The following ARHGEF3 variants were observed in gnomAD, a reference collection of about 807,000 sequenced individuals.
ARHGEF3 encodes Rho guanine nucleotide exchange factor 3.
A neutral mutation model predicts 63.2 loss-of-function variants in ARHGEF3; 28 were observed. The observed-to-expected ratio is 0.44, with a 90% CI of 0.33 to 0.61. ARHGEF3 has a LOEUF of 0.61. Among genes scored for constraint, ARHGEF3 ranks in the 20% least tolerant of loss-of-function variants. The pLI, the probability that ARHGEF3 is intolerant of heterozygous loss-of-function variation, is 0.03. For synonymous variants in ARHGEF3, 266 were observed against 254.2 expected (o/e 1.05, Z -0.44); for missense variants, 533 against 659.3 (o/e 0.81, Z 2.10).
intron 2 of ARHGEF3, among the ~76,000 whole-genome samples, chr3:56,984,385 G>A (rs978976935): frequency 1.3e-5 from 2 of 152,176 alleles, no homozygotes; most frequent in Admixed American, 6.5e-5. Flanking sequence ...CATGATGGAT[G>A]GATGGTTGGT....
At chr3:56,946,329 CAAACT>C (rs1699496016) in intron 3 of ARHGEF3, among the ~76,000 whole-genome samples, 1 of 152,036 alleles carries the variant, frequency 6.6e-6, no homozygotes, top group African/African-American at 2.4e-5. Flanking sequence ...CAAACTACTC[CAAACT>C]AAAGGAGGAA....
intron 3 of ARHGEF3, among the ~76,000 whole-genome samples, chr3:56,948,154 T>C (rs1350241708): frequency 6.6e-6 from 1 of 152,044 alleles, no homozygotes; most frequent in Non-Finnish European, 1.5e-5. Flanking sequence ...TTTATAGCAC[T>C]AAATGCCCAC....
At chr3:56,737,486 G>A (rs1277126471) in intron 7 of ARHGEF3, 131 bp from the exon 8 acceptor site, 3 of 601,356 alleles carry the variant, frequency 5.0e-6, no homozygotes, top group Non-Finnish European at 7.6e-6. Flanking sequence ...TTGCTACTTT[G>A]GGAAAAGAGA....
chr3:57,061,970 G>C (rs919978679), intron 1 of ARHGEF3, among the ~76,000 whole-genome samples: 7 of 152,116 alleles, frequency 4.6e-5, no homozygotes, highest in Admixed American at 1.3e-4. Context: ...CTGCCTACAA[G>C]CATTTTCTGC....
intron 3 of ARHGEF3, among the ~76,000 whole-genome samples, chr3:56,893,961 A>C (rs1019127948): frequency 6.6e-6 from 1 of 152,116 alleles, no homozygotes; most frequent in Non-Finnish European, 1.5e-5. Context: ...AAATGACTTG[A>C]CTAAGGCTGC....
At chr3:56,876,635 CAGG>C (rs2040593082) in intron 4 of ARHGEF3, among the ~76,000 whole-genome samples, 1 of 151,802 alleles carries the variant, frequency 6.6e-6, no homozygotes, top group South Asian at 2.1e-4. Context: ...TATTCCTTGC[CAGG>C]AGATTAAACA....
rs2032925948 is a variant in ARHGEF3 at position 56,729,222 on chromosome 3, C to T, written c.*48G>A. The T allele has an allele frequency of 3.3e-6, 5 of 1,515,150 alleles. No individual in the cohort carries two copies. Among genetic ancestry groups the T allele is most frequent in the Non-Finnish European group, 2.7e-6 (3 of 1,115,102 alleles). The allele number at this position is 1,515,150 out of a possible 1,614,324, so 93.9% of individuals were successfully genotyped here. A position where few individuals can be genotyped will look rare whatever the true frequency, so the allele number is the denominator to read the frequency against. On this transcript the variant is annotated 3_prime_UTR_variant, in exon 10 of 10. Coordinates refer to ENST00000296315, the MANE Select transcript of ARHGEF3 (RefSeq NM_019555.3). ...CCGTTCCATCTGTGGAATGCAAATA[C>T]TGTACAGGTAAGATGCAGGCCTGCT...
chr3:56,741,545 G>A (rs1204563333), intron 7 of ARHGEF3, among the ~76,000 whole-genome samples: 3 of 110,382 alleles, frequency 2.7e-5, no homozygotes, highest in African/African-American at 7.3e-5. Flanking sequence ...TTGCCCTGTC[G>A]CCCAGGCTGG....
chr3:57,050,225 C>T (rs1185409483), intron 1 of ARHGEF3, among the ~76,000 whole-genome samples: 1 of 152,244 alleles, frequency 6.6e-6, no homozygotes, highest in East Asian at 1.9e-4. Flanking sequence ...TCGGCCAAGT[C>T]ATTCCTTGGC....
intron 7 of ARHGEF3, among the ~76,000 whole-genome samples, 168 bp downstream of exon 7, chr3:56,745,037 A>G (rs1005053619): frequency 2.0e-5 from 3 of 152,192 alleles, no homozygotes; most frequent in African/African-American, 4.8e-5. Flanking sequence ...CAGAAAGATG[A>G]GAAGTGACTT....
chr3:57,059,961 A>C (rs529047601), intron 1 of ARHGEF3, among the ~76,000 whole-genome samples: 3 of 152,034 alleles, frequency 2.0e-5, no homozygotes, highest in Non-Finnish European at 2.9e-5. Context: ...ACGCCATTGC[A>C]CTCCAGCCTG....
chr3:56,884,838 C>A (rs1053365160), intron 3 of ARHGEF3, among the ~76,000 whole-genome samples: 14 of 152,194 alleles, frequency 9.2e-5, no homozygotes, highest in African/African-American at 4.8e-5. Flanking sequence ...TATATGGTGA[C>A]TTTTTGAGCC....
chr3:56,952,642 C>T (rs528291227), intron 3 of ARHGEF3, among the ~76,000 whole-genome samples: 5 of 152,190 alleles, frequency 3.3e-5, no homozygotes, highest in South Asian at 4.2e-4. Flanking sequence ...GTAATATATG[C>T]GTAAAATGCT....
At chr3:57,063,258 A>C (rs1705333023) in intron 1 of ARHGEF3, among the ~76,000 whole-genome samples, 1 of 150,702 alleles carries the variant, frequency 6.6e-6, no homozygotes, top group Admixed American at 6.7e-5. Context: ...TCAGAGAGGA[A>C]ATGCAGCCAG....
At chr3:56,810,340 T>C (rs1008615667) in intron 4 of ARHGEF3, among the ~76,000 whole-genome samples, 1 of 152,124 alleles carries the variant, frequency 6.6e-6, no homozygotes, top group African/African-American at 2.4e-5. Context: ...GCCCAGGAGT[T>C]GGAGACCAGC....
intron 1 of ARHGEF3, among the ~76,000 whole-genome samples, chr3:56,774,267 TA>T (rs1172799656): frequency 1.3e-5 from 2 of 152,040 alleles, no homozygotes; most frequent in Non-Finnish European, 2.9e-5. Flanking sequence ...ATGGCTTTCC[TA>T]AAGCACCAAG....
At chr3:56,861,849 G>C (rs1373686543) in intron 4 of ARHGEF3, among the ~76,000 whole-genome samples, 1 of 143,132 alleles carries the variant, frequency 7.0e-6, no homozygotes, top group Non-Finnish European at 1.5e-5. Flanking sequence ...AGTGAATGAA[G>C]CCTTCTAACC....
rs2107680347 is a variant in ARHGEF3 at position 56,731,294 on chromosome 3, G to A, written c.1228+944C>T. On this transcript the variant is annotated intron_variant, in intron 9 of 9. Transcript: ENST00000296315. ...GCCTGTAATCCCAGCACTTTGGGAG[G>A]CTGAGGTGGGTGGATTACTTGGGGT... is the stretch of plus-strand genomic sequence containing the variant. 1.3e-5 allele frequency among the ~76,000 whole-genome samples: 2 copies of A among 152,274 alleles called. 1 individual carries two copies. The highest frequency in any genetic ancestry group is 1.3e-4 in the Admixed American group (2 of 15,290).
At chr3:57,001,916 T>C (rs866009832) in intron 2 of ARHGEF3, among the ~76,000 whole-genome samples, 1 of 25,476 alleles carries the variant, frequency 3.9e-5, no homozygotes, top group Non-Finnish European at 1.0e-4. Context: ...AGTGAGATAG[T>C]TTTTTTTTTT....
Sources: gnomAD v4.1 joint callset for allele counts (sites outside exome capture counted in the v4.1 genomes callset) on GRCh38, gnomAD v4.1.1 for gene constraint, MANE v1.5 for transcripts, NCBI Gene and HGNC (gene_info 2026-07-23, HGNC 2026-07-21) for gene names.